The following SOHLH2 variants were observed in gnomAD, a reference collection of about 807,000 sequenced individuals.
The protein encoded by SOHLH2 is spermatogenesis- and oogenesis-specific basic helix-loop-helix-containing protein 2.
SOHLH2 carries 22 observed loss-of-function variants against 50.4 expected under a neutral mutation model. The ratio of observed to expected loss-of-function variants is 0.44; its 90% CI spans 0.31 to 0.62. The LOEUF is 0.62. Ranked by LOEUF, SOHLH2 falls within the 20% of genes least tolerant of loss-of-function variation. The pLI, the probability that SOHLH2 is intolerant of heterozygous loss-of-function variation, is 0.08. For missense variants in SOHLH2, 412 were observed against 504.4 expected (o/e 0.82, Z 1.76); for synonymous variants, 185 against 187.3 (o/e 0.99, Z 0.10).
intron 2 of SOHLH2, among the ~76,000 whole-genome samples, chr13:36,195,556 C>A (rs545793472): frequency 6.6e-6 from 1 of 152,206 alleles, no homozygotes; most frequent in East Asian, 1.9e-4. Context: ...TCAGGAGCAA[C>A]CAACACAATT....
intron 6 of SOHLH2, among the ~76,000 whole-genome samples, chr13:36,186,560 C>T (rs1887426721): frequency 6.6e-6 from 1 of 152,102 alleles, no homozygotes; most frequent in Non-Finnish European, 1.5e-5. Flanking sequence ...GACACTATGG[C>T]AAAGCTCAAC....
chr13:36,181,358 A>G (rs1015566499), intron 6 of SOHLH2, among the ~76,000 whole-genome samples: 1 of 152,078 alleles, frequency 6.6e-6, no homozygotes, highest in African/African-American at 2.4e-5. Flanking sequence ...AAGGTCTACC[A>G]TACCTTTTTT....
At chr13:36,184,098 A>G (rs972228865) in intron 6 of SOHLH2, among the ~76,000 whole-genome samples, 1 of 152,212 alleles carries the variant, frequency 6.6e-6, no homozygotes. Flanking sequence ...AAGGGAGAAC[A>G]TGCTTTGGGC....
In SOHLH2 at chr13:36,181,942, T is replaced by C. The variant is rs187591543; in HGVS notation, c.642-7073A>G. 3 of 728,450 alleles carry C rather than the reference T, an allele frequency of 4.1e-6. No individual in the cohort carries two copies. The East Asian group carries it at 4.0e-4, about 96-fold the overall frequency. 45.1% of individuals were successfully genotyped at this position (728,450 alleles called of 1,614,324 possible). ...GAAGATAAAGGGAAATAATATCTGA[T>C]GGAAATATGATTTGCACAAACAAGT... On this transcript the variant is annotated intron_variant, in intron 6 of 10. Transcript: ENST00000379881.
At chr13:36,200,957 G>A (rs1316512481) in intron 2 of SOHLH2, among the ~76,000 whole-genome samples, 2 of 148,180 alleles carry the variant, frequency 1.3e-5, no homozygotes, top group African/African-American at 2.5e-5. Context: ...ACTGAGGCAG[G>A]AGAATCACTT....
At chr13:36,197,707 G>A (rs1215648596) in intron 2 of SOHLH2, among the ~76,000 whole-genome samples, 3 of 152,144 alleles carry the variant, frequency 2.0e-5, no homozygotes, top group Non-Finnish European at 4.4e-5. Context: ...AACAAATAAT[G>A]TTCTTTGTTA....
chr13:36,200,217 T>A (rs1276209600), intron 2 of SOHLH2, among the ~76,000 whole-genome samples: 1 of 152,016 alleles, frequency 6.6e-6, no homozygotes, highest in African/African-American at 2.4e-5. Context: ...TTATGATGAG[T>A]TCCCAGCCAA....
intron 1 of SOHLH2, among the ~76,000 whole-genome samples, chr13:36,208,555 G>A (rs928488303): frequency 6.6e-6 from 1 of 152,052 alleles, no homozygotes; most frequent in Non-Finnish European, 1.5e-5. Context: ...TCCTTAACAT[G>A]CCTCCCTCCA....
chr13:36,205,271 A>G (rs1042284930), intron 1 of SOHLH2, among the ~76,000 whole-genome samples: 2 of 152,140 alleles, frequency 1.3e-5, no homozygotes, highest in Non-Finnish European at 2.9e-5. Context: ...TTTGACTTTA[A>G]AGCATTGGCT....
chr13:36,210,005 AT>A (rs1869012656), intron 1 of SOHLH2, among the ~76,000 whole-genome samples: 1 of 59,344 alleles, frequency 1.7e-5, no homozygotes, highest in African/African-American at 6.2e-5. Context: ...AAGACCAAGT[AT>A]GTTAGTTTAT....
At chr13:36,212,143 T>G (rs924316072) in intron 1 of SOHLH2, among the ~76,000 whole-genome samples, 1 of 151,812 alleles carries the variant, frequency 6.6e-6, no homozygotes, top group Non-Finnish European at 1.5e-5. Context: ...TGAGGGTAGG[T>G]AGGAAGATGA....
At chr13:36,170,171 C>T (rs756758592) in intron 10 of SOHLH2, among the ~76,000 whole-genome samples, 14 of 152,038 alleles carry the variant, frequency 9.2e-5, no homozygotes, top group African/African-American at 1.7e-4. Context: ...CAGTTAGTTA[C>T]GGGGCCAGTT....
intron 8 of SOHLH2, among the ~76,000 whole-genome samples, chr13:36,174,217 A>G (rs1887039351): frequency 6.6e-6 from 1 of 152,206 alleles, no homozygotes; most frequent in Admixed American, 6.5e-5. Context: ...CAAGGGAGAA[A>G]GCCCCATTTT....
intron 6 of SOHLH2, among the ~76,000 whole-genome samples, chr13:36,176,222 G>A (rs1033044205): frequency 6.6e-6 from 1 of 152,130 alleles, no homozygotes; most frequent in Non-Finnish European, 1.5e-5. Context: ...AAAACATCCA[G>A]TACAGTTATT....
At position 36,210,591 on chromosome 13, in the gene SOHLH2, C is replaced by T. The variant is rs949513992; in HGVS notation, c.48+3888G>A. ...TTCCATGATATTTACTTGAAGGAATCATCACATTTTGAAAACATCTGCTCT... is the reference window on the plus strand; with the variant it reads ...TTCCATGATATTTACTTGAAGGAATTATCACATTTTGAAAACATCTGCTCT... On this transcript the variant is annotated intron_variant, in intron 1 of 10. Coordinates refer to ENST00000379881, the MANE Select transcript of SOHLH2 (RefSeq NM_017826.3). 3.9e-5 allele frequency among the ~76,000 whole-genome samples: 6 copies of T among 152,234 alleles called. No individual in the cohort carries two copies. In the East Asian group the frequency reaches 7.7e-4, roughly 20 times the overall value.
In SOHLH2 at chr13:36,170,746, A is replaced by G. The variant is rs1030347415; in HGVS notation, c.1042T>C (p.Tyr348His). 3 of 1,614,192 alleles carry G rather than the reference A, an allele frequency of 1.9e-6. No individual in the cohort carries two copies. The highest frequency in any genetic ancestry group is 1.6e-4 in the Middle Eastern group (1 of 6,062). ...SASENAIGDPYKTHISSAALS... is the reference protein window; with the variant it reads ...SASENAIGDPHKTHISSAALS... ...GCTGCACTGGAAATGTGAGTTTTAT[A>G]TGGATCACCAATAGCATTCTCTGAG... The change falls in exon 10 of 11, where the codon TAT (tyrosine) becomes CAT (histidine). Residue 348 changes from tyrosine to histidine, a missense_variant. Transcript: ENST00000379881.
At chr13:36,201,161 G>T (rs1868398443) in intron 2 of SOHLH2, among the ~76,000 whole-genome samples, 1 of 151,824 alleles carries the variant, frequency 6.6e-6, no homozygotes, top group Non-Finnish European at 1.5e-5. Flanking sequence ...AATCCAGAAG[G>T]CCCCATGGCT....
At chr13:36,202,937 T>C (rs921700748) in intron 1 of SOHLH2, among the ~76,000 whole-genome samples, 1 of 152,194 alleles carries the variant, frequency 6.6e-6, no homozygotes, top group African/African-American at 2.4e-5. Flanking sequence ...CTGGTGTAAG[T>C]GGCCCCGTGG....
chr13:36,179,662 C>T (rs1887196143), intron 6 of SOHLH2, among the ~76,000 whole-genome samples: 1 of 152,108 alleles, frequency 6.6e-6, no homozygotes, highest in Admixed American at 6.5e-5. Context: ...ATCCACCTGC[C>T]TCAGCCTCCC....
Sources: gnomAD v4.1 joint callset for allele counts (sites outside exome capture counted in the v4.1 genomes callset) on GRCh38, gnomAD v4.1.1 for gene constraint, MANE v1.5 for transcripts, NCBI Gene and HGNC (gene_info 2026-07-23, HGNC 2026-07-21) for gene names.